Variants in PCDH15 observed in about 807,000 individuals in gnomAD.
PCDH15 encodes the protein protocadherin-15.
Under a neutral mutation model 178.5 loss-of-function variants are expected in PCDH15, and 129 were observed. The ratio of observed to expected loss-of-function variants is 0.72; its 90% confidence interval spans 0.63 to 0.84. The LOEUF is 0.84. Ranked by LOEUF, PCDH15 falls within the 40% of genes least tolerant of loss-of-function variation. The pLI, the probability that PCDH15 is intolerant of heterozygous loss-of-function variation, is 0.00. For missense variants in PCDH15, 2,230 were observed against 2,099.9 expected, an observed-to-expected ratio of 1.06 and a Z score of -1.21; for synonymous variants, 800 against 732.0, an observed-to-expected ratio of 1.09 and a Z score of -1.50.
chr10:55,464,902 G>GAA (rs71014492), intron 2 of PCDH15, among the ~76,000 whole-genome samples: 1 of 139,912 alleles, frequency 7.1e-6, no homozygotes, highest in South Asian at 2.2e-4. Context: ...TGCTTAAATT[G>GAA]AAAAAAAAAA....
intron 18 of PCDH15, among the ~76,000 whole-genome samples, chr10:54,046,644 G>A (rs1473561083): frequency 6.6e-6 from 1 of 152,084 alleles, no homozygotes; most frequent in African/African-American, 2.4e-5. Flanking sequence ...TTAACATAGT[G>A]GTTAACTCTA....
intron 1 of PCDH15, among the ~76,000 whole-genome samples, chr10:54,708,140 G>T (rs2132316634): frequency 6.6e-6 from 1 of 152,262 alleles, no homozygotes; most frequent in South Asian, 2.1e-4. Flanking sequence ...TAGTGGAAAA[G>T]GCTGTAGAAG....
At chr10:54,572,519 T>C (rs966266182) in intron 2 of PCDH15, among the ~76,000 whole-genome samples, 8 of 152,144 alleles carry the variant, frequency 5.3e-5, no homozygotes, top group Admixed American at 5.2e-4. Flanking sequence ...ATTGAAAGAA[T>C]TGTCATTCCC....
At chr10:55,361,044 C>T (rs1845215393) in intron 2 of PCDH15, among the ~76,000 whole-genome samples, 1 of 151,810 alleles carries the variant, frequency 6.6e-6, no homozygotes, top group African/African-American at 2.4e-5. Flanking sequence ...CAATTGCAAC[C>T]AAAAACATGA....
chr10:54,546,635 G>C (rs1418903305), intron 2 of PCDH15, among the ~76,000 whole-genome samples: 1 of 152,034 alleles, frequency 6.6e-6, no homozygotes, highest in Non-Finnish European at 1.5e-5. Flanking sequence ...ATTCTAAATA[G>C]AATAATAACC....
intron 21 of PCDH15, among the ~76,000 whole-genome samples, chr10:53,977,946 G>C (rs1467866263): frequency 6.6e-6 from 1 of 152,216 alleles, no homozygotes; most frequent in Non-Finnish European, 1.5e-5. Flanking sequence ...ACTGATGCTA[G>C]AAGTGTGCTG....
rs7903872 is a variant in PCDH15 at position 55,361,036 on chromosome 10, A to G, written c.-155-194385T>C. ...AACTGCATTTTCTGAATGGACCACA[A>G]TTGCAACCAAAAACATGAATGAATC... On this transcript the variant is annotated intron_variant, in intron 2 of 5. Transcript: ENST00000613346. Among the ~76,000 whole-genome samples the G allele has an allele frequency of 3.2e-3, 494 of 152,130 alleles. 1 individual carries two copies. The highest frequency in any genetic ancestry group is 0.011 in the African/African-American group (467 of 41,552).
At chr10:54,385,477 G>A (rs1244181587) in intron 3 of PCDH15, among the ~76,000 whole-genome samples, 1 of 152,120 alleles carries the variant, frequency 6.6e-6, no homozygotes, top group Non-Finnish European at 1.5e-5. Flanking sequence ...CTTTTTTCAT[G>A]TAAAAGTGGG....
At chr10:54,945,351 T>TAGATA (rs36018565) in intron 2 of PCDH15, among the ~76,000 whole-genome samples, 81 of 138,104 alleles carry the variant, frequency 5.9e-4, no homozygotes, top group East Asian at 1.5e-3. Context: ...GATAGATAGA[T>TAGATA]GATAGATAGA....
At chr10:54,783,283 G>GA (rs756612894) in intron 1 of PCDH15, among the ~76,000 whole-genome samples, 81 of 152,172 alleles carry the variant, frequency 5.3e-4, no homozygotes, top group Admixed American at 1.2e-3. Flanking sequence ...GGTATCATGA[G>GA]AAAAAATCGA....
chr10:53,889,733 T>G (rs954326169), intron 26 of PCDH15, among the ~76,000 whole-genome samples: 2 of 152,140 alleles, frequency 1.3e-5, no homozygotes, highest in Non-Finnish European at 2.9e-5. Flanking sequence ...CCAAACAACT[T>G]ATATGGACAG....
intron 18 of PCDH15, among the ~76,000 whole-genome samples, chr10:54,048,477 G>A (rs1024659199): frequency 4.6e-5 from 7 of 152,054 alleles, no homozygotes; most frequent in African/African-American, 9.7e-5. Context: ...CTTTGCCAAG[G>A]CTGATGTCCA....
intron 13 of PCDH15, among the ~76,000 whole-genome samples, chr10:54,153,876 T>C (rs1055472967): frequency 2.0e-5 from 3 of 152,180 alleles, no homozygotes; most frequent in Admixed American, 6.5e-5. Context: ...TGATAAGTCG[T>C]AGAGTATTAA....
intron 1 of PCDH15, among the ~76,000 whole-genome samples, chr10:54,734,630 G>T (rs1943840732): frequency 6.6e-6 from 1 of 151,926 alleles, no homozygotes; most frequent in Non-Finnish European, 1.5e-5. Context: ...ATTCATAATG[G>T]TGAAAAATGG....
intron 2 of PCDH15, among the ~76,000 whole-genome samples, chr10:55,389,034 A>T (rs781058333): frequency 1.3e-4 from 20 of 152,156 alleles, no homozygotes; most frequent in Non-Finnish European, 1.2e-4. Context: ...TTTCTTTCTT[A>T]TAACTGGGTT....
chr10:54,495,953 G>T (rs532541007), intron 3 of PCDH15, among the ~76,000 whole-genome samples: 1 of 152,164 alleles, frequency 6.6e-6, no homozygotes, highest in South Asian at 2.1e-4. Flanking sequence ...GAAATCTTAA[G>T]AATAGGACTC....
At chr10:53,983,080 C>G (rs570391692) in intron 21 of PCDH15, among the ~76,000 whole-genome samples, 1 of 152,096 alleles carries the variant, frequency 6.6e-6, no homozygotes, top group African/African-American at 2.4e-5. Context: ...TTTACCCCGA[C>G]ATGGTTTCCA....
chr10:54,195,466 T>C (rs1047209042), intron 11 of PCDH15, among the ~76,000 whole-genome samples: 1 of 152,220 alleles, frequency 6.6e-6, no homozygotes, highest in Non-Finnish European at 1.5e-5. Context: ...TTCTTACATA[T>C]ACTGAATATC....
At chr10:54,199,351 T>G (rs1286239874) in intron 10 of PCDH15, among the ~76,000 whole-genome samples, 1 of 151,962 alleles carries the variant, frequency 6.6e-6, no homozygotes, top group Non-Finnish European at 1.5e-5. Flanking sequence ...CAAGGCCACA[T>G]AGGCTGTAAG....
Sources: allele counts gnomAD v4.1 joint callset (sites outside exome capture counted in the v4.1 genomes callset), GRCh38; gene constraint gnomAD v4.1.1; transcripts MANE v1.5; gene names NCBI Gene and HGNC (gene_info 2026-07-23, HGNC 2026-07-21).